Variants in FLNB observed in about 807,000 individuals in gnomAD.
FLNB encodes filamin B, also known as filamin-B.
FLNB carries 111 observed loss-of-function variants against 250.6 expected under a neutral mutation model. The observed-to-expected ratio is 0.44, with a 90% confidence interval of 0.38 to 0.52. The LOEUF is 0.52. Ranked by LOEUF, FLNB falls within the 20% of genes least tolerant of loss-of-function variation. The probability of loss-of-function intolerance (pLI) is 0.00; values close to 1 mark genes in which losing one functional copy is unlikely to be tolerated. For missense variants in FLNB, 2,869 were observed against 3,447.8 expected (o/e 0.83, Z 4.20); for synonymous variants, 1,302 against 1,372.1 (o/e 0.95, Z 1.13).
rs1438235445 is a variant in FLNB, at chr3:58,164,830, A to G, written c.7198+1500A>G. 6.6e-6 allele frequency: 1 copy of G among 152,562 alleles called. No homozygotes were observed. The highest frequency in any genetic ancestry group is 6.5e-5 in the Admixed American group (1 of 15,286). 9.5% of individuals were successfully genotyped at this position (152,562 alleles called of 1,614,324 possible). A position where few individuals can be genotyped will look rare whatever the true frequency, so the allele number is the denominator to read the frequency against. On this transcript the variant is annotated intron_variant, in intron 43 of 45. Transcript: ENST00000295956. The surrounding 1 kb of genome is among the most constrained non-coding windows in gnomAD (Gnocchi z 4.0). ...GATGCAGAGGTTGAGTCACTCCCCA[A>G]ACAACACTCCCCCAAAAAGCAGTCA...
rs963815448 is a variant in FLNB, at chr3:58,171,734, G to C, written c.*972G>C. On this transcript the variant is annotated 3_prime_UTR_variant, in exon 46 of 46. Coordinates refer to ENST00000295956, the MANE Select transcript of FLNB (RefSeq NM_001457.4). This position sits in a 1 kb window ranked among gnomAD's most constrained non-coding sequence, Gnocchi z 5.5. ...ACACCCGCCCCAGCCAACTTCATGG[G>C]TCACTTTTTCTGGAAAATAATGATC... 6.6e-6 allele frequency: 1 copy of C among 152,332 alleles called. No homozygotes were observed. Among genetic ancestry groups the C allele is most frequent in the African/African-American group, 2.4e-5 (1 of 41,446 alleles). The allele number at this position is 152,332 out of a possible 1,614,324, so 9.4% of individuals were successfully genotyped here.
intron 18 of FLNB, among the ~76,000 whole-genome samples, chr3:58,114,044 G>C (rs185440188): frequency 6.6e-6 from 1 of 152,224 alleles, no homozygotes; most frequent in African/African-American, 2.4e-5. Flanking sequence ...TGTAGCACGT[G>C]TCAGAACTTC....
rs756227348 is a variant in FLNB, at chr3:58,150,240, G to T, written c.6367+13G>T. On this transcript the variant is annotated intron_variant, in intron 38 of 45. Coordinates refer to ENST00000295956, the MANE Select transcript of FLNB (RefSeq NM_001457.4). ...CTGAAAATCCCAGGTGGGCGTCGGG[G>T]ACTAGTAGGGTGGGGAAGCCTTGGC... The T allele has an allele frequency of 2.5e-6, 4 of 1,614,004 alleles. No homozygotes were observed. In the African/African-American group the frequency reaches 5.3e-5, roughly 22 times the overall value.
At chr3:58,042,110 A>G (rs1410042080) in intron 1 of FLNB, among the ~76,000 whole-genome samples, 1 of 152,050 alleles carries the variant, frequency 6.6e-6, no homozygotes, top group African/African-American at 2.4e-5. Context: ...TTTGGTGTGT[A>G]TGGGTTTTCT....
intron 8 of FLNB, among the ~76,000 whole-genome samples, chr3:58,099,741 G>C (rs1321782805): frequency 2.6e-5 from 4 of 152,160 alleles, no homozygotes; most frequent in Admixed American, 2.6e-4. Context: ...GCTTGGTAAG[G>C]GCTGGTTGGG....
At chr3:58,147,719 G>C (rs1328453330) in intron 34 of FLNB, among the ~76,000 whole-genome samples, 1 of 152,166 alleles carries the variant, frequency 6.6e-6, no homozygotes, top group Non-Finnish European at 1.5e-5. Context: ...GAGTTTTAGT[G>C]GCATGATCTC....
At chr3:58,039,310 TA>T (rs80189625) in intron 1 of FLNB, among the ~76,000 whole-genome samples, 4,615 of 128,106 alleles carry the variant, frequency 0.036, 91 homozygotes, top group African/African-American at 0.07. Context: ...ATTTGATAGG[TA>T]AAAAAAAAAA....
At chr3:58,163,499 G>A in intron 43 of FLNB, 169 bp downstream of exon 43, 2 of 653,678 alleles carry the variant, frequency 3.1e-6, no homozygotes, top group Non-Finnish European at 5.3e-6. Flanking sequence ...GGGAGTTGCG[G>A]TTTGACCCAC....
intron 18 of FLNB, among the ~76,000 whole-genome samples, chr3:58,114,122 T>C (rs922615764): frequency 1.3e-5 from 2 of 152,154 alleles, no homozygotes; most frequent in Non-Finnish European, 2.9e-5. Flanking sequence ...CTGTTTTTTG[T>C]TTGTTTTTTC....
intron 1 of FLNB, among the ~76,000 whole-genome samples, chr3:58,018,116 C>T (rs953895346): frequency 6.6e-6 from 1 of 152,040 alleles, no homozygotes; most frequent in Non-Finnish European, 1.5e-5. Flanking sequence ...TAGTATTTCT[C>T]ACACCTTCCG....
chr3:58,096,061 C>T (rs2097238000), intron 5 of FLNB, 80 bp from the exon 6 acceptor site: 1 of 1,133,638 alleles, frequency 8.8e-7, no homozygotes, highest in African/African-American at 1.5e-5. Context: ...CTGGCAGCTC[C>T]TGCAGAACCC....
intron 40 of FLNB, among the ~76,000 whole-genome samples, chr3:58,155,315 G>A (rs13075657): frequency 0.11 from 16,165 of 152,282 alleles, 974 homozygotes; most frequent in African/African-American, 0.12. Flanking sequence ...GCCATCTGGC[G>A]AAGCCTATGG....
chr3:58,124,537 G>T (rs1486521604), intron 22 of FLNB, 32 bp downstream of exon 22: 2 of 1,611,532 alleles, frequency 1.2e-6, no homozygotes, highest in South Asian at 1.1e-5. Context: ...CTGGACCCTC[G>T]TTCAGAGCTG....
intron 34 of FLNB, 65 bp downstream of exon 34, chr3:58,147,058 C>G: frequency 6.6e-7 from 1 of 1,511,412 alleles, no homozygotes; most frequent in Non-Finnish European, 9.2e-7. Context: ...CTGCCACCCT[C>G]CTTATCAGAC....
rs142718547 is a variant in FLNB at position 58,125,740 on chromosome 3, C to G, written c.4058C>G (p.Thr1353Ser). The change falls in exon 23 of 46, where the codon ACC becomes AGC. Residue 1353 changes from threonine (T) to serine (S), a missense_variant. Thr to Ser is a moderately conservative substitution (Grantham distance 58, BLOSUM62 1). This residue lies in a region of FLNB where 1,348 missense variants were observed against 1,466.7 expected (regional missense o/e 0.92). Transcript: ENST00000295956. ...TNKPNVFTVVTRGAGIGGLGI... is the reference protein window; with the variant it reads ...TNKPNVFTVVSRGAGIGGLGI... ...AAGCCCAATGTCTTCACCGTGGTTA[C>G]CAGGTAGGCAAGGCCCTACATTTGG... 1,697 of 1,614,128 alleles carry G rather than the reference C, an allele frequency of 1.1e-3. 6 individuals carry two copies. Among genetic ancestry groups the G allele is most frequent in the Non-Finnish European group, 1.3e-3 (1,546 of 1,180,002 alleles).
At chr3:58,025,446 T>A (rs1174504643) in intron 1 of FLNB, among the ~76,000 whole-genome samples, 2 of 152,174 alleles carry the variant, frequency 1.3e-5, no homozygotes, top group African/African-American at 2.4e-5. Flanking sequence ...CTCATTTTTT[T>A]TTCTTTCCTG....
At position 58,094,921 on chromosome 3, in the gene FLNB, G is replaced by A; in HGVS notation, c.873G>A (p.Val291=). ...GCGCCGGGCAAGGAGACGTGATGGT[G>A]TTTGTTGAGGACCCAGAAGGGAACA... ...TISAGQGDVM[V]FVEDPEGNKE... Residue 291 remains valine, a synonymous_variant, in exon 5 of 46, where the codon GTG becomes GTA. Transcript: ENST00000295956. 1 of 1,614,208 alleles carries A rather than the reference G, an allele frequency of 6.2e-7. No homozygotes were observed. Among genetic ancestry groups the A allele is most frequent in the Non-Finnish European group, 8.5e-7 (1 of 1,180,022 alleles).
intron 16 of FLNB, among the ~76,000 whole-genome samples, chr3:58,111,307 G>T (rs2097268241): frequency 1.3e-5 from 2 of 152,156 alleles, no homozygotes; most frequent in Non-Finnish European, 1.5e-5. Flanking sequence ...GTGCCTAAAG[G>T]TAGTGGTCTT....
At chr3:58,010,194 G>A (rs1398891895) in intron 1 of FLNB, among the ~76,000 whole-genome samples, 1 of 152,180 alleles carries the variant, frequency 6.6e-6, no homozygotes, top group East Asian at 1.9e-4. Context: ...GAGAACCAGG[G>A]ACTGGCCCTG....
Sources: gnomAD v4.1 joint callset for allele counts (sites outside exome capture counted in the v4.1 genomes callset) on GRCh38, gnomAD v4.1.1 for gene constraint, gnomAD v4.1.1 regional missense constraint, Gnocchi (gnomAD v3.1) non-coding constraint, MANE v1.5 for transcripts, NCBI Gene and HGNC (gene_info 2026-07-23, HGNC 2026-07-21) for gene names.